Variants in TBC1D22A observed in about 807,000 individuals in gnomAD.
TBC1D22A encodes the protein putative GTPase activator.
A neutral mutation model predicts 60.2 loss-of-function variants in TBC1D22A; 38 were observed. The observed-to-expected ratio is 0.63, with a 90% CI of 0.49 to 0.83. The LOEUF is 0.83. TBC1D22A is among the 40% of genes least tolerant of loss of function. The pLI, the probability that TBC1D22A is intolerant of heterozygous loss-of-function variation, is 0.00. For synonymous variants in TBC1D22A, 302 were observed against 281.7 expected, an observed-to-expected ratio of 1.07 and a Z score of -0.72; for missense variants, 628 against 701.0, an observed-to-expected ratio of 0.90 and a Z score of 1.18.
At chr22:47,170,751 C>G (rs111509227) in intron 12 of TBC1D22A, among the ~76,000 whole-genome samples, 178 of 118,000 alleles carry the variant, frequency 1.5e-3, no homozygotes, top group African/African-American at 2.5e-3. Context: ...GGTGTGTAAC[C>G]CTCCTGATGC....
At chr22:46,954,966 C>A (rs1340081092) in intron 8 of TBC1D22A, among the ~76,000 whole-genome samples, 1 of 152,088 alleles carries the variant, frequency 6.6e-6, no homozygotes, top group African/African-American at 2.4e-5. Flanking sequence ...TTATTTATAA[C>A]CCATGTCAGG....
At chr22:47,104,510 C>T (rs987073236) in intron 11 of TBC1D22A, among the ~76,000 whole-genome samples, 2 of 152,012 alleles carry the variant, frequency 1.3e-5, no homozygotes, top group African/African-American at 4.8e-5. Flanking sequence ...GCCTGACCAA[C>T]ATGGCGAAAC....
At position 47,011,832 on chromosome 22, in the gene TBC1D22A, C is replaced by G. The variant is rs183787740; in HGVS notation, c.1201+14123C>G. On this transcript the variant is annotated intron_variant, in intron 10 of 12. Coordinates refer to ENST00000337137, the MANE Select transcript of TBC1D22A (RefSeq NM_014346.5). ...TAGAAAATCTGCATGTGTGGAAAAG[C>G]TCTGTAATTTTACCAGTGCAGCCTA... 1.2e-3 allele frequency among the ~76,000 whole-genome samples: 180 copies of G among 152,280 alleles called. 4 individuals are homozygous for G. Among genetic ancestry groups the G allele is most frequent in the Admixed American group, 9.6e-3 (147 of 15,298 alleles).
At chr22:47,056,668 C>T (rs969320983) in intron 11 of TBC1D22A, among the ~76,000 whole-genome samples, 10 of 152,124 alleles carry the variant, frequency 6.6e-5, no homozygotes, top group Non-Finnish European at 1.5e-4. Flanking sequence ...GATGTGGCCA[C>T]ACTCATGTCA....
At chr22:47,148,510 G>A (rs557252171) in intron 12 of TBC1D22A, among the ~76,000 whole-genome samples, 8 of 149,310 alleles carry the variant, frequency 5.4e-5, no homozygotes, top group Non-Finnish European at 7.4e-5. Context: ...AGTTGGGTGC[G>A]TCTCAAGGGC....
chr22:46,861,242 A>G (rs979801171), intron 4 of TBC1D22A, among the ~76,000 whole-genome samples: 16 of 152,168 alleles, frequency 1.1e-4, no homozygotes, highest in Non-Finnish European at 2.1e-4. Context: ...TATAAACTTA[A>G]TTTTTAGAAT....
chr22:47,050,309 G>C (rs1000480002), intron 11 of TBC1D22A, among the ~76,000 whole-genome samples: 11 of 152,196 alleles, frequency 7.2e-5, no homozygotes, highest in African/African-American at 2.4e-4. Flanking sequence ...CTGGCCGAGA[G>C]GGGGCATTTC....
chr22:46,785,259 A>T (rs2084109567), intron 1 of TBC1D22A, among the ~76,000 whole-genome samples: 1 of 152,208 alleles, frequency 6.6e-6, no homozygotes, highest in Admixed American at 6.5e-5. Flanking sequence ...GCAGTGATGC[A>T]GGCTGTCCAC....
chr22:46,983,449 C>G (rs1217941149), intron 9 of TBC1D22A, among the ~76,000 whole-genome samples: 1 of 152,144 alleles, frequency 6.6e-6, no homozygotes, highest in Non-Finnish European at 1.5e-5. Flanking sequence ...GAAATAATTT[C>G]TTTCTTGTCT....
intron 4 of TBC1D22A, among the ~76,000 whole-genome samples, chr22:46,802,692 A>G (rs2084948362): frequency 6.6e-6 from 1 of 152,188 alleles, no homozygotes; most frequent in Non-Finnish European, 1.5e-5. Context: ...AGCGGTTGCT[A>G]TTCTGTGGAA....
chr22:46,958,416 C>T (rs990975058), intron 8 of TBC1D22A, among the ~76,000 whole-genome samples: 7 of 152,272 alleles, frequency 4.6e-5, no homozygotes, highest in Non-Finnish European at 7.4e-5. Flanking sequence ...AACCATCAGT[C>T]GTTACATTGG....
intron 10 of TBC1D22A, among the ~76,000 whole-genome samples, chr22:47,034,012 G>A (rs2062573933): frequency 6.6e-6 from 1 of 152,224 alleles, no homozygotes; most frequent in Non-Finnish European, 1.5e-5. Context: ...AAATTCTGCG[G>A]GGGCTTCAGC....
chr22:46,884,871 T>C (rs1452678604), intron 5 of TBC1D22A, among the ~76,000 whole-genome samples: 1 of 151,700 alleles, frequency 6.6e-6, no homozygotes, highest in Admixed American at 6.6e-5. Flanking sequence ...GAAGTAAAAG[T>C]GGGAGGGGCC....
At chr22:46,866,916 G>A (rs761541991) in intron 4 of TBC1D22A, among the ~76,000 whole-genome samples, 1 of 152,212 alleles carries the variant, frequency 6.6e-6, no homozygotes, top group Non-Finnish European at 1.5e-5. Flanking sequence ...CTAACAGAAC[G>A]GCATGGATCA....
intron 11 of TBC1D22A, among the ~76,000 whole-genome samples, chr22:47,048,946 T>C (rs558045827): frequency 4.6e-5 from 7 of 152,328 alleles, no homozygotes; most frequent in Admixed American, 1.3e-4. Flanking sequence ...TGACCTTCAT[T>C]TTTATGTGTT....
intron 11 of TBC1D22A, among the ~76,000 whole-genome samples, chr22:47,058,763 C>G (rs965843387): frequency 6.6e-6 from 1 of 152,060 alleles, no homozygotes; most frequent in Non-Finnish European, 1.5e-5. Flanking sequence ...TCCGTAGGTC[C>G]CAGCGCTCAG....
chr22:46,916,553 G>A (rs1392751756), intron 8 of TBC1D22A, among the ~76,000 whole-genome samples: 1 of 152,224 alleles, frequency 6.6e-6, no homozygotes. Flanking sequence ...GCACGTGCAC[G>A]CGGACATACA....
At chr22:47,098,915 G>A (rs777564310) in intron 11 of TBC1D22A, among the ~76,000 whole-genome samples, 3 of 152,190 alleles carry the variant, frequency 2.0e-5, no homozygotes, top group Admixed American at 6.5e-5. Context: ...GCCTGCAGGC[G>A]TAGGGGGCAG....
rs1423657802 is a variant in TBC1D22A at position 47,009,824 on chromosome 22, C to G, written c.1201+12115C>G. ...GTTTAGTCTGAAGGCCTCTGCTTCT[C>G]CCACGTTGGACCTTGTTGAGCTGCC... On this transcript the variant is annotated intron_variant, in intron 10 of 12. Transcript: ENST00000337137. This position sits in a 1 kb window ranked among gnomAD's most constrained non-coding sequence, Gnocchi z 5.8. Among the ~76,000 whole-genome samples, 1 of 152,214 alleles carries G rather than the reference C, an allele frequency of 6.6e-6. No homozygotes were observed. Among genetic ancestry groups the G allele is most frequent in the African/African-American group, 2.4e-5 (1 of 41,442 alleles).
Sources: gnomAD v4.1 joint callset for allele counts (sites outside exome capture counted in the v4.1 genomes callset) on GRCh38, gnomAD v4.1.1 for gene constraint, Gnocchi (gnomAD v3.1) non-coding constraint, MANE v1.5 for transcripts, NCBI Gene and HGNC (gene_info 2026-07-23, HGNC 2026-07-21) for gene names.